Variants in POLR1C observed in about 807,000 individuals in gnomAD.
The protein encoded by POLR1C is RNA polymerase I and III subunit C.
POLR1C carries 42 observed loss-of-function variants against 38.3 expected under a neutral mutation model. The observed-to-expected ratio is 1.10, with a 90% CI of 0.86 to 1.42. The LOEUF (loss-of-function observed/expected upper bound fraction) is 1.42. POLR1C is among the 40% of genes most tolerant of loss of function. The probability of loss-of-function intolerance (pLI) is 0.00; values close to 1 mark genes in which losing one functional copy is unlikely to be tolerated. For synonymous variants in POLR1C, 163 were observed against 163.9 expected (o/e 0.99, Z 0.04); for missense variants, 507 against 450.5 (o/e 1.13, Z -1.14).
intron 10 of POLR1C, chr6:43,551,512 T>C: frequency 6.3e-7 from 1 of 1,585,868 alleles, no homozygotes; most frequent in East Asian, 2.2e-5. Flanking sequence ...AATAACCATT[T>C]TGGCTACATT....
intron 10 of POLR1C, among the ~76,000 whole-genome samples, chr6:43,556,915 G>A (rs113782875): frequency 0.017 from 2,632 of 151,938 alleles, 33 homozygotes; most frequent in Non-Finnish European, 0.028. Flanking sequence ...ATCAGCTGAG[G>A]TCGGGAGTTC....
At chr6:43,545,711 A>C (rs777325962) in intron 9 of POLR1C, among the ~76,000 whole-genome samples, 13 of 142,516 alleles carry the variant, frequency 9.1e-5, no homozygotes, top group African/African-American at 2.2e-4. Context: ...CTGTCTCAAA[A>C]AAACAAACAA....
At chr6:43,526,208 C>A, downstream of POLR1C, 1 of 446,388 alleles carries the variant, frequency 2.2e-6, no homozygotes. Context: ...GAGCACCAGA[C>A]ACTGATTTAG....
chr6:43,524,723 G>A, downstream of POLR1C: 2 of 1,586,122 alleles, frequency 1.3e-6, no homozygotes, highest in South Asian at 1.2e-5. Context: ...CTCAGAGATT[G>A]CACCAGCAAT....
chr6:43,558,616 T>G lies in POLR1C; in HGVS notation c.*49-2784T>G, dbSNP rs73733592. 10,353 of 1,544,808 alleles carry G rather than the reference T, an allele frequency of 6.7e-3. 619 individuals carry two copies. In the African/African-American group the frequency reaches 0.12, roughly 19 times the overall value. On this transcript the variant is annotated intron_variant, in intron 10 of 10. Transcript: ENST00000607635. The stretch of plus-strand genomic sequence containing the variant: ...TCTGGAAAAAGAAAGGTAATTGGGG[T>G]AGGGGATGAAAGTGGACCCACTGAA...
At chr6:43,532,005 T>A (rs1794020346), downstream of POLR1C, among the ~76,000 whole-genome samples, 1 of 152,222 alleles carries the variant, frequency 6.6e-6, no homozygotes, top group Non-Finnish European at 1.5e-5. Flanking sequence ...TCTATATTTT[T>A]AAGTGTAATC....
At chr6:43,532,743 C>CA (rs1218844230), downstream of POLR1C, among the ~76,000 whole-genome samples, 8 of 152,208 alleles carry the variant, frequency 5.3e-5, no homozygotes, top group African/African-American at 1.4e-4. Flanking sequence ...GATAAACACT[C>CA]AGAGCCCTGC....
chr6:43,525,657 T>C, downstream of POLR1C: 3 of 621,292 alleles, frequency 4.8e-6, no homozygotes, highest in Non-Finnish European at 8.3e-6. Flanking sequence ...CCTATGCTGG[T>C]ATGGGAGACA....
intron 10 of POLR1C, among the ~76,000 whole-genome samples, chr6:43,557,284 G>C (rs1345503832): frequency 6.6e-6 from 1 of 151,788 alleles, no homozygotes; most frequent in East Asian, 1.9e-4. Context: ...AAATTGGCTG[G>C]GTATGATGGC....
downstream of POLR1C, among the ~76,000 whole-genome samples, chr6:43,534,192 T>C (rs1399639387): frequency 1.3e-5 from 2 of 152,176 alleles, no homozygotes; most frequent in Non-Finnish European, 2.9e-5. Flanking sequence ...TGTATAGATA[T>C]AATTATCTTA....
chr6:43,521,139 C>T (rs760780461), intron 8 of POLR1C, 43 bp from the exon 9 acceptor site: 13 of 1,609,288 alleles, frequency 8.1e-6, no homozygotes, highest in Admixed American at 1.7e-5. Context: ...GTAAGTTTTA[C>T]AGGCAAGCCC....
At chr6:43,526,523 G>T in intron 8 of POLR1C, 1 of 714,802 alleles carries the variant, frequency 1.4e-6, no homozygotes. Flanking sequence ...GCTTGGAGGT[G>T]GGAGTATGAT....
At chr6:43,524,524 C>T, downstream of POLR1C, 1 of 1,613,918 alleles carries the variant, frequency 6.2e-7, no homozygotes, top group Non-Finnish European at 8.5e-7. Context: ...CGCTTGTCAG[C>T]CACTTTCTGC....
At position 43,546,790 on chromosome 6, in the gene POLR1C, G is replaced by GA. The variant is rs374970458; in HGVS notation, c.*5-4165dup. On this transcript the variant is annotated intron_variant, in intron 9 of 10. Coordinates refer to the POLR1C transcript ENST00000607635. ...AAGAATGACAGATAAATATTAAAAG[G>GA]AAAAAAAAAAAAAGACCAAATACTG... 0.057 allele frequency: 62,025 copies of GA among 1,090,880 alleles called. 8 individuals carry two copies. Among genetic ancestry groups the GA allele is most frequent in the Non-Finnish European group, 0.062 (50,046 of 806,068 alleles). The allele number at this position is 1,090,880 out of a possible 1,614,324, so 67.6% of individuals were successfully genotyped here. A position where few individuals can be genotyped will look rare whatever the true frequency, so the allele number is the denominator to read the frequency against.
At chr6:43,540,263 A>G (rs1371374245) in intron 9 of POLR1C, among the ~76,000 whole-genome samples, 1 of 152,152 alleles carries the variant, frequency 6.6e-6, no homozygotes, top group Admixed American at 6.5e-5. Flanking sequence ...GCGGATCACG[A>G]GGTCAGGAGA....
chr6:43,524,978 C>CA, downstream of POLR1C: 1 of 1,612,258 alleles, frequency 6.2e-7, no homozygotes. Flanking sequence ...CCTGGGGAGA[C>CA]AACTGTGCTT....
intron 10 of POLR1C, chr6:43,553,613 G>GAATTTCATGA (rs1795366642): frequency 1.4e-6 from 2 of 1,443,678 alleles, no homozygotes; most frequent in African/African-American, 2.9e-5. Flanking sequence ...GAACACCTGA[G>GAATTTCATGA]AATTTCATGA....
At chr6:43,539,723 G>A (rs1253279681) in intron 9 of POLR1C, 2 of 634,940 alleles carry the variant, frequency 3.1e-6, no homozygotes, top group African/African-American at 1.8e-5. Flanking sequence ...TCTCGGAGAA[G>A]AAGCTACATT....
chr6:43,558,880 T>C (rs1762254421), intron 10 of POLR1C: 1 of 306,414 alleles, frequency 3.3e-6, no homozygotes, highest in South Asian at 6.4e-5. Context: ...AAATGACAAT[T>C]CAGTATGTAG....
Sources: allele counts gnomAD v4.1 joint callset (sites outside exome capture counted in the v4.1 genomes callset), GRCh38; gene constraint gnomAD v4.1.1; transcripts MANE v1.5; gene names NCBI Gene and HGNC (gene_info 2026-07-23, HGNC 2026-07-21).